Variants in DTD1 observed in about 807,000 individuals in gnomAD.
DTD1 encodes the protein D-tyrosyl-tRNA deacylase 1 homolog.
DTD1 carries 13 observed loss-of-function variants against 25.6 expected under a neutral mutation model. The ratio of observed to expected loss-of-function variants is 0.51; its 90% CI spans 0.33 to 0.81. The LOEUF (loss-of-function observed/expected upper bound fraction) is 0.81. Ranked by LOEUF, DTD1 falls within the 30% of genes least tolerant of loss-of-function variation. The pLI is 0.02. For synonymous variants in DTD1, 110 were observed against 103.6 expected (o/e 1.06, Z -0.37); for missense variants, 193 against 266.4 (o/e 0.72, Z 1.92).
intron 4 of DTD1, among the ~76,000 whole-genome samples, chr20:18,689,916 T>C (rs6075396): frequency 0.14 from 1,841 of 13,394 alleles, 14 homozygotes; most frequent in Middle Eastern, 0.29. Context: ...GCAGGAGGAT[T>C]ACTTGAGGCC....
At chr20:18,685,243 C>T (rs2061012011) in intron 4 of DTD1, among the ~76,000 whole-genome samples, 1 of 152,138 alleles carries the variant, frequency 6.6e-6, no homozygotes, top group African/African-American at 2.4e-5. Context: ...TAGAAGGCTC[C>T]AGAGATCAGC....
chr20:18,691,613 C>T (rs2061047773), intron 4 of DTD1, among the ~76,000 whole-genome samples: 1 of 151,972 alleles, frequency 6.6e-6, no homozygotes, highest in South Asian at 2.1e-4. Flanking sequence ...ACTACTAGAG[C>T]GGGAAAGGAG....
intron 4 of DTD1, among the ~76,000 whole-genome samples, chr20:18,699,270 A>G (rs1473321455): frequency 6.6e-6 from 1 of 152,210 alleles, no homozygotes; most frequent in Non-Finnish European, 1.5e-5. Context: ...CACCTGAGGC[A>G]GCGGTGTTCT....
At position 18,589,597 on chromosome 20, in the gene DTD1, A is replaced by T. The variant is rs1392154092; in HGVS notation, c.43+1482A>T. Among the ~76,000 whole-genome samples, 41 of 152,184 alleles carry T rather than the reference A, an allele frequency of 2.7e-4. 1 individual carries two copies. The highest frequency in any genetic ancestry group is 2.7e-3 in the Admixed American group (41 of 15,276). On this transcript the variant is annotated intron_variant, in intron 1 of 5. Transcript: ENST00000377452. ...TAAAGCTTTTATAACATTTCTGTAG[A>T]TATTTAAATTCATGAAAACTGGGAA...
chr20:18,627,200 G>T (rs932404252), intron 3 of DTD1, among the ~76,000 whole-genome samples: 22 of 145,904 alleles, frequency 1.5e-4, no homozygotes, highest in African/African-American at 5.3e-4. Context: ...AAAGCTGTCT[G>T]TTGGCATGCC....
chr20:18,746,523 C>A (rs894869014), intron 5 of DTD1, among the ~76,000 whole-genome samples: 5 of 136,614 alleles, frequency 3.7e-5, no homozygotes, highest in African/African-American at 1.3e-4. Context: ...CATGGTGAGA[C>A]CCCCGTCTCT....
At chr20:18,617,236 C>T (rs956008207) in intron 3 of DTD1, among the ~76,000 whole-genome samples, 2 of 151,426 alleles carry the variant, frequency 1.3e-5, no homozygotes, top group Non-Finnish European at 2.9e-5. Flanking sequence ...TGGGATGAAA[C>T]GAAAAGTCTG....
At chr20:18,594,319 T>A (rs892418462) in intron 2 of DTD1, among the ~76,000 whole-genome samples, 8 of 152,148 alleles carry the variant, frequency 5.3e-5, no homozygotes, top group African/African-American at 1.9e-4. Context: ...GTGATCTTTT[T>A]ACTAAGGTGG....
chr20:18,686,443 A>G (rs896560578), intron 4 of DTD1, among the ~76,000 whole-genome samples: 2 of 152,228 alleles, frequency 1.3e-5, no homozygotes, highest in East Asian at 3.8e-4. Flanking sequence ...ATATAGTTAT[A>G]TATGGCCAGT....
intron 3 of DTD1, among the ~76,000 whole-genome samples, chr20:18,612,272 G>C (rs1264878498): frequency 6.6e-6 from 1 of 151,992 alleles, no homozygotes; most frequent in African/African-American, 2.4e-5. Context: ...CTGACCTCGT[G>C]ATCCGCCCGC....
chr20:18,601,174 G>A (rs1486134538), intron 3 of DTD1, among the ~76,000 whole-genome samples: 1 of 152,086 alleles, frequency 6.6e-6, no homozygotes, highest in Non-Finnish European at 1.5e-5. Context: ...GTTTGCTGTA[G>A]GTTTTTTGAA....
intron 4 of DTD1, among the ~76,000 whole-genome samples, chr20:18,723,222 A>C (rs1178611126): frequency 2.0e-5 from 3 of 152,288 alleles, no homozygotes; most frequent in African/African-American, 7.2e-5. Context: ...GTGGCAACCA[A>C]AAATATCTCC....
At chr20:18,703,856 C>A (rs2061115447) in intron 4 of DTD1, among the ~76,000 whole-genome samples, 2 of 151,910 alleles carry the variant, frequency 1.3e-5, no homozygotes, top group Admixed American at 1.3e-4. Flanking sequence ...AGCTTTTTTC[C>A]CAGAGTCAGT....
At chr20:18,601,086 G>A (rs2122254227) in intron 3 of DTD1, among the ~76,000 whole-genome samples, 1 of 152,340 alleles carries the variant, frequency 6.6e-6, no homozygotes. Context: ...GTGTTGGAAA[G>A]AGTGGTGAGT....
At chr20:18,588,251 G>A (rs1458815802) in intron 1 of DTD1, 136 bp downstream of exon 1, 1 of 877,948 alleles carries the variant, frequency 1.1e-6, no homozygotes, top group East Asian at 3.7e-5. Flanking sequence ...TCGCGAGCTC[G>A]GTCCGCGCAG....
chr20:18,755,581 C>G (rs2061335979), intron 5 of DTD1, among the ~76,000 whole-genome samples: 1 of 152,156 alleles, frequency 6.6e-6, no homozygotes, highest in South Asian at 2.1e-4. Flanking sequence ...TCATCCGTGT[C>G]CCTACAAAGG....
At chr20:18,632,887 T>TGTGC (rs1209023937) in intron 4 of DTD1, among the ~76,000 whole-genome samples, 2 of 152,142 alleles carry the variant, frequency 1.3e-5, no homozygotes, top group Non-Finnish European at 2.9e-5. Context: ...TGTGGGTATG[T>TGTGC]GTGCATGCAT....
intron 3 of DTD1, among the ~76,000 whole-genome samples, chr20:18,603,365 C>T (rs1238119932): frequency 9.8e-5 from 9 of 91,936 alleles, no homozygotes; most frequent in African/African-American, 3.2e-4. Context: ...GACAGATCAA[C>T]GAGACAGAAA....
intron 4 of DTD1, among the ~76,000 whole-genome samples, chr20:18,642,584 T>C (rs2060833530): frequency 6.6e-6 from 1 of 152,134 alleles, no homozygotes; most frequent in Non-Finnish European, 1.5e-5. Context: ...GTTTACCCTC[T>C]TCAGAAGGCT....
Sources: gnomAD v4.1 joint callset for allele counts (sites outside exome capture counted in the v4.1 genomes callset) on GRCh38, gnomAD v4.1.1 for gene constraint, MANE v1.5 for transcripts, NCBI Gene and HGNC (gene_info 2026-07-23, HGNC 2026-07-21) for gene names.